Variants in WWOX observed in about 807,000 individuals in gnomAD.
The protein encoded by WWOX is WW domain containing oxidoreductase.
A neutral mutation model predicts 46.2 loss-of-function variants in WWOX; 69 were observed. The ratio of observed to expected loss-of-function variants is 1.49; its 90% confidence interval spans 1.23 to 1.82. The LOEUF is 1.82. Among genes scored for constraint, WWOX ranks in the 40% most tolerant of loss-of-function variants. The pLI, the probability that WWOX is intolerant of heterozygous loss-of-function variation, is 0.00. For synonymous variants in WWOX, 359 were observed against 202.6 expected (o/e 1.77, Z -6.56); for missense variants, 919 against 542.6 (o/e 1.69, Z -6.89).
At chr16:78,417,547 G>C (rs1042391330) in intron 6 of WWOX, among the ~76,000 whole-genome samples, 17 of 152,214 alleles carry the variant, frequency 1.1e-4, no homozygotes, top group Non-Finnish European at 2.2e-4. Flanking sequence ...CCCTGGAAAA[G>C]TGAGCAAAAT....
At chr16:78,613,375 C>A (rs149599794) in intron 8 of WWOX, among the ~76,000 whole-genome samples, 229 of 152,154 alleles carry the variant, frequency 1.5e-3, no homozygotes, top group African/African-American at 5.2e-3. Flanking sequence ...TCATCTGGAC[C>A]CTGGGGTTGC....
intron 8 of WWOX, among the ~76,000 whole-genome samples, chr16:78,685,867 C>T (rs2047843496): frequency 1.4e-5 from 2 of 143,512 alleles, no homozygotes; most frequent in Non-Finnish European, 3.0e-5. Flanking sequence ...GAGAGCAGGG[C>T]CAAGAAAGGG....
At chr16:79,036,396 G>A (rs1167371522) in intron 8 of WWOX, among the ~76,000 whole-genome samples, 1 of 152,156 alleles carries the variant, frequency 6.6e-6, no homozygotes, top group Non-Finnish European at 1.5e-5. Context: ...TCCCATTCTT[G>A]CCTCATAGAA....
intron 5 of WWOX, among the ~76,000 whole-genome samples, chr16:78,303,726 T>C (rs2080084171): frequency 6.6e-6 from 1 of 152,134 alleles, no homozygotes; most frequent in South Asian, 2.1e-4. Flanking sequence ...GTATTTTTAG[T>C]AGAGACGGGA....
intron 5 of WWOX, among the ~76,000 whole-genome samples, chr16:78,310,059 C>T (rs555505424): frequency 6.7e-6 from 1 of 150,166 alleles, no homozygotes; most frequent in Admixed American, 6.7e-5. Context: ...TCCTCCTTCC[C>T]CCTCCTTCCC....
chr16:78,890,744 C>G (rs998694274), intron 8 of WWOX: 1 of 152,188 alleles, frequency 6.6e-6, no homozygotes, highest in Non-Finnish European at 1.5e-5. Flanking sequence ...TCCTCATTCA[C>G]TTTCTGTTTT....
chr16:79,165,877 C>G (rs1015107766), intron 8 of WWOX, among the ~76,000 whole-genome samples: 2 of 152,174 alleles, frequency 1.3e-5, no homozygotes, highest in South Asian at 4.1e-4. Flanking sequence ...AGCACCCGTC[C>G]CTCTTCTATT....
At position 78,848,276 on chromosome 16, in the gene WWOX, G is replaced by A. The variant is rs142992829; in HGVS notation, c.1057-363332G>A. On this transcript the variant is annotated intron_variant, in intron 8 of 8. Transcript: ENST00000566780. ...GGGCTCCCAATCAGTGCTGCTTTTCGTTGTTGATGTTGTTGTTAATGTTGA... is the reference window on the plus strand; with the variant it reads ...GGGCTCCCAATCAGTGCTGCTTTTCATTGTTGATGTTGTTGTTAATGTTGA... 5.9e-4 allele frequency among the ~76,000 whole-genome samples: 89 copies of A among 152,016 alleles called. 2 individuals carry two copies. In the East Asian group the frequency reaches 0.01, roughly 17 times the overall value.
chr16:78,179,004 G>C (rs902511287), intron 5 of WWOX, among the ~76,000 whole-genome samples: 2 of 152,176 alleles, frequency 1.3e-5, no homozygotes, highest in African/African-American at 4.8e-5. Flanking sequence ...CATTGGAGGA[G>C]AAGCCAGGGC....
At chr16:78,365,264 C>T (rs1597106377) in intron 5 of WWOX, among the ~76,000 whole-genome samples, 1 of 152,158 alleles carries the variant, frequency 6.6e-6, no homozygotes, top group South Asian at 2.1e-4. Context: ...TTGTCTCCAA[C>T]GCATCCATGG....
intron 8 of WWOX, among the ~76,000 whole-genome samples, chr16:78,697,936 C>G (rs78637841): frequency 0.013 from 1,949 of 152,200 alleles, 18 homozygotes; most frequent in South Asian, 0.036. Context: ...TACCTGTAAG[C>G]AAGAATCACT....
intron 8 of WWOX, among the ~76,000 whole-genome samples, chr16:78,856,353 A>G (rs996786854): frequency 6.6e-6 from 1 of 152,214 alleles, no homozygotes; most frequent in Admixed American, 6.5e-5. Flanking sequence ...TAGAAGTTGA[A>G]TAGATCTAGC....
intron 8 of WWOX, among the ~76,000 whole-genome samples, chr16:78,884,644 A>C (rs79473500): frequency 0.021 from 3,240 of 152,276 alleles, 112 homozygotes; most frequent in Admixed American, 0.094. Flanking sequence ...TAAAAAGCAA[A>C]CTATTCCTAT....
At chr16:79,197,002 A>T (rs1343733260) in intron 8 of WWOX, among the ~76,000 whole-genome samples, 1 of 152,158 alleles carries the variant, frequency 6.6e-6, no homozygotes, top group African/African-American at 2.4e-5. Flanking sequence ...GTATTAACTG[A>T]GGCAACGTTG....
intron 7 of WWOX, among the ~76,000 whole-genome samples, chr16:78,425,424 C>T (rs924803085): frequency 1.3e-5 from 2 of 152,072 alleles, no homozygotes; most frequent in African/African-American, 4.8e-5. Context: ...AGAAACAATG[C>T]AATTAGAGCC....
chr16:78,755,844 C>T (rs904848955), intron 8 of WWOX, among the ~76,000 whole-genome samples: 1 of 152,210 alleles, frequency 6.6e-6, no homozygotes, highest in Non-Finnish European at 1.5e-5. Flanking sequence ...GTAACCACCC[C>T]AGATTTTTCT....
rs148534919 is a variant in WWOX, at chr16:78,688,914, C to G, written c.1056+256162C>G. ...CAAGATTTGATGGTTTTATACGATG[C>G]TTTTCCTCCTTTGCTTGGCACCTCT... On this transcript the variant is annotated intron_variant, in intron 8 of 8. Coordinates refer to ENST00000566780, the MANE Select transcript of WWOX (RefSeq NM_016373.4). Among the ~76,000 whole-genome samples the G allele has an allele frequency of 2.8e-3, 419 of 152,218 alleles. 2 individuals carry two copies. Among genetic ancestry groups the G allele is most frequent in the African/African-American group, 9.7e-3 (403 of 41,532 alleles).
chr16:78,804,102 G>T (rs372456686), intron 8 of WWOX, among the ~76,000 whole-genome samples: 1 of 152,192 alleles, frequency 6.6e-6, no homozygotes, highest in African/African-American at 2.4e-5. Context: ...CCCCGCCGCA[G>T]TGGAGATTGT....
chr16:78,169,641 G>C (rs770262269), intron 5 of WWOX, among the ~76,000 whole-genome samples: 1 of 152,082 alleles, frequency 6.6e-6, no homozygotes, highest in South Asian at 2.1e-4. Flanking sequence ...CTAAATTTTA[G>C]TTTCTAAATT....
Sources: allele counts gnomAD v4.1 joint callset (sites outside exome capture counted in the v4.1 genomes callset), GRCh38; gene constraint gnomAD v4.1.1; transcripts MANE v1.5; gene names NCBI Gene and HGNC (gene_info 2026-07-23, HGNC 2026-07-21).